Variants in CTNND2 observed in about 807,000 individuals in gnomAD.
CTNND2 encodes catenin delta 2, also known as catenin delta-2.
In CTNND2, 22 loss-of-function variants were observed where a neutral mutation model predicts 144.4. That is an observed-to-expected ratio of 0.15 (90% CI 0.11 to 0.22). The LOEUF (loss-of-function observed/expected upper bound fraction) is 0.22. Ranked by LOEUF, CTNND2 falls within the 10% of genes least tolerant of loss-of-function variation. The pLI, the probability that CTNND2 is intolerant of heterozygous loss-of-function variation, is 1.00. For missense variants in CTNND2, 1,353 were observed against 1,618.8 expected, an observed-to-expected ratio of 0.84 and a Z score of 2.82; for synonymous variants, 751 against 695.6, an observed-to-expected ratio of 1.08 and a Z score of -1.25.
Position 11,138,981 on chromosome 5 carries a change from C to CTT in CTNND2, c.2159+20593_2159+20594dup, listed in dbSNP as rs3032103. Among the ~76,000 whole-genome samples, 8 of 149,322 alleles carry CTT rather than the reference C, an allele frequency of 5.4e-5. No individual in the cohort carries two copies. The East Asian group carries it at 5.9e-4, about 11-fold the overall frequency. On this transcript the variant is annotated intron_variant, in intron 12 of 21. Transcript: ENST00000304623. ...AGAGGAGTCACAGAGTAAAAGGAAACTTTTTTTTTTTTTTCTTTTCTGAGG... is the reference window on the plus strand; with the variant it reads ...AGAGGAGTCACAGAGTAAAAGGAAACTTTTTTTTTTTTTTTTCTTTTCTGAGG...
chr5:11,600,835 G>A (rs1779754873), intron 2 of CTNND2, among the ~76,000 whole-genome samples: 1 of 152,028 alleles, frequency 6.6e-6, no homozygotes, highest in African/African-American at 2.4e-5. Context: ...GAAATCAGAA[G>A]GTAATGAGAG....
At chr5:11,619,778 T>C (rs1780747356) in intron 2 of CTNND2, among the ~76,000 whole-genome samples, 1 of 152,204 alleles carries the variant, frequency 6.6e-6, no homozygotes, top group Non-Finnish European at 1.5e-5. Context: ...TTTCTCTCAC[T>C]GTACTCATCC....
chr5:11,572,434 C>A (rs1366706477), intron 2 of CTNND2, among the ~76,000 whole-genome samples: 1 of 152,130 alleles, frequency 6.6e-6, no homozygotes, highest in Non-Finnish European at 1.5e-5. Context: ...GAGAGAAGTC[C>A]TTCTCTAGGC....
At chr5:11,134,264 C>A (rs1434303638) in intron 12 of CTNND2, among the ~76,000 whole-genome samples, 3 of 152,180 alleles carry the variant, frequency 2.0e-5, no homozygotes, top group Non-Finnish European at 4.4e-5. Flanking sequence ...TGACACCCCA[C>A]AAGGAAATGC....
chr5:11,222,650 A>G (rs932606345), intron 10 of CTNND2, among the ~76,000 whole-genome samples: 3 of 152,084 alleles, frequency 2.0e-5, no homozygotes, highest in African/African-American at 7.2e-5. Flanking sequence ...TACAAAAAAT[A>G]AAAAAATTAG....
chr5:11,801,447 A>G (rs1013522503), intron 1 of CTNND2, among the ~76,000 whole-genome samples: 2 of 152,198 alleles, frequency 1.3e-5, no homozygotes, highest in African/African-American at 4.8e-5. Context: ...CAAATGAACT[A>G]ATTTGAATAG....
intron 3 of CTNND2, among the ~76,000 whole-genome samples, chr5:11,451,879 T>C (rs933966180): frequency 1.2e-4 from 19 of 152,230 alleles, no homozygotes; most frequent in Admixed American, 6.5e-4. Context: ...TGTAGTGGCA[T>C]ATGCTTCTAC....
At chr5:11,632,164 T>A (rs1781445631) in intron 2 of CTNND2, among the ~76,000 whole-genome samples, 1 of 152,274 alleles carries the variant, frequency 6.6e-6, no homozygotes, top group South Asian at 2.1e-4. Flanking sequence ...AAGAAAGAGA[T>A]AGCTAAGATG....
At chr5:11,005,309 C>T (rs1740368538) in intron 18 of CTNND2, among the ~76,000 whole-genome samples, 1 of 152,160 alleles carries the variant, frequency 6.6e-6, no homozygotes, top group Non-Finnish European at 1.5e-5. Context: ...GAAGTCAGCG[C>T]AGGGAGGTGA....
intron 2 of CTNND2, among the ~76,000 whole-genome samples, chr5:11,587,600 A>G (rs1778959002): frequency 6.6e-6 from 1 of 152,100 alleles, no homozygotes; most frequent in African/African-American, 2.4e-5. Flanking sequence ...AAAGTCATTC[A>G]AATTTCATAT....
intron 3 of CTNND2, among the ~76,000 whole-genome samples, chr5:11,451,916 C>A (rs568357103): frequency 6.6e-6 from 1 of 152,268 alleles, no homozygotes; most frequent in Admixed American, 6.5e-5. Context: ...CTTGTTTATA[C>A]CCAAATAAAC....
intron 15 of CTNND2, among the ~76,000 whole-genome samples, chr5:11,098,012 T>C (rs1438734596): frequency 6.6e-6 from 1 of 152,210 alleles, no homozygotes; most frequent in Non-Finnish European, 1.5e-5. Flanking sequence ...TTATAAGGAC[T>C]CAGAAAAAGG....
intron 1 of CTNND2, among the ~76,000 whole-genome samples, chr5:11,894,053 T>C (rs1204410439): frequency 3.3e-5 from 5 of 152,108 alleles, no homozygotes; most frequent in Admixed American, 2.0e-4. Flanking sequence ...TTTCTTCCTA[T>C]TGGCAGACTA....
chr5:11,868,045 T>C (rs2127042410), intron 1 of CTNND2, among the ~76,000 whole-genome samples: 1 of 151,436 alleles, frequency 6.6e-6, no homozygotes, highest in South Asian at 2.1e-4. Flanking sequence ...ATAGACAGAG[T>C]CCCCAGGTGG....
intron 12 of CTNND2, among the ~76,000 whole-genome samples, chr5:11,156,980 G>A (rs1758277378): frequency 6.6e-6 from 1 of 152,180 alleles, no homozygotes; most frequent in Non-Finnish European, 1.5e-5. Flanking sequence ...TTTAAGCACA[G>A]ATCTGTTAGC....
intron 10 of CTNND2, among the ~76,000 whole-genome samples, chr5:11,212,133 A>C (rs1000878474): frequency 6.6e-6 from 1 of 152,212 alleles, no homozygotes; most frequent in Admixed American, 6.5e-5. Context: ...TAGTAGTAAA[A>C]GCCAATGCTT....
At chr5:11,271,010 T>C (rs26466) in intron 9 of CTNND2, among the ~76,000 whole-genome samples, 35,284 of 152,142 alleles carry the variant, frequency 0.23, 4,220 homozygotes, top group Admixed American at 0.28. Flanking sequence ...ATGACTTTAG[T>C]TCTATTTTAA....
At chr5:11,783,779 GT>G in intron 1 of CTNND2, among the ~76,000 whole-genome samples, 1 of 152,184 alleles carries the variant, frequency 6.6e-6, no homozygotes, top group Admixed American at 6.5e-5. Context: ...TAGTGTAATG[GT>G]TTTTAGATAT....
intron 8 of CTNND2, among the ~76,000 whole-genome samples, chr5:11,355,668 G>C (rs1755791143): frequency 6.6e-6 from 1 of 152,108 alleles, no homozygotes; most frequent in Non-Finnish European, 1.5e-5. Context: ...CATAGTACTG[G>C]AAGTCCTAGT....
Sources: gnomAD v4.1 joint callset for allele counts (sites outside exome capture counted in the v4.1 genomes callset) on GRCh38, gnomAD v4.1.1 for gene constraint, MANE v1.5 for transcripts, NCBI Gene and HGNC (gene_info 2026-07-23, HGNC 2026-07-21) for gene names.